The following PCSK1 variants were observed in gnomAD, a reference collection of about 807,000 sequenced individuals.
The protein encoded by PCSK1 is proprotein convertase subtilisin/kexin type 1, also known as neuroendocrine convertase 1.
In PCSK1, 56 loss-of-function variants were observed where a neutral mutation model predicts 90.6. The ratio of observed to expected loss-of-function variants is 0.62; its 90% confidence interval spans 0.50 to 0.77. PCSK1 has a LOEUF of 0.77. Among genes scored for constraint, PCSK1 ranks in the 30% least tolerant of loss-of-function variants. The probability of loss-of-function intolerance (pLI) is 0.00; values close to 1 mark genes in which losing one functional copy is unlikely to be tolerated. For missense variants in PCSK1, 801 were observed against 932.6 expected (o/e 0.86, Z 1.84); for synonymous variants, 348 against 342.4 (o/e 1.02, Z -0.18).
chr5:96,426,132 G>A (rs1407281593), intron 2 of PCSK1, among the ~76,000 whole-genome samples: 5 of 152,142 alleles, frequency 3.3e-5, no homozygotes. Context: ...ACAGTAAAGT[G>A]CACCTTTAGG....
chr5:96,407,926 C>T (rs1760626760), intron 9 of PCSK1, among the ~76,000 whole-genome samples: 1 of 152,088 alleles, frequency 6.6e-6, no homozygotes, highest in African/African-American at 2.4e-5. Context: ...TTTTAAAGGT[C>T]AAAGCATATT....
chr5:96,415,571 G>A (rs1271746305), intron 6 of PCSK1, among the ~76,000 whole-genome samples: 1 of 152,082 alleles, frequency 6.6e-6, no homozygotes, highest in Non-Finnish European at 1.5e-5. Flanking sequence ...CTACATCCTT[G>A]CTATAAAAGA....
chr5:96,429,408 A>C (rs1012949048), intron 1 of PCSK1, 91 bp from the exon 2 acceptor site: 26 of 718,024 alleles, frequency 3.6e-5, no homozygotes, highest in Non-Finnish European at 6.2e-5. Context: ...GAGATAGGCA[A>C]CTTTTATTAA....
intron 5 of PCSK1, among the ~76,000 whole-genome samples, chr5:96,417,098 G>A (rs182203288): frequency 3.9e-5 from 6 of 152,284 alleles, no homozygotes; most frequent in South Asian, 2.1e-4. Context: ...GGTTAGCTCG[G>A]AGCAATAATG....
At chr5:96,423,526 G>C (rs1172482479) in intron 3 of PCSK1, 67 bp from the exon 4 acceptor site, 14 of 1,413,838 alleles carry the variant, frequency 9.9e-6, no homozygotes, top group East Asian at 2.3e-5. Context: ...GGGCACTTCA[G>C]TTCCAACCTG....
At chr5:96,429,390 C>G (rs1761419572) in intron 1 of PCSK1, 73 bp from the exon 2 acceptor site, 1 of 836,424 alleles carries the variant, frequency 1.2e-6, no homozygotes, top group Non-Finnish European at 2.0e-6. Context: ...TAAAACTCAG[C>G]TAACTTAGAG....
intron 12 of PCSK1, among the ~76,000 whole-genome samples, chr5:96,396,556 C>T (rs1348000004): frequency 1.6e-4 from 19 of 118,252 alleles, no homozygotes; most frequent in African/African-American, 2.1e-4. Context: ...AGCAAGACTC[C>T]GTCTCAAAAA....
intron 6 of PCSK1, among the ~76,000 whole-genome samples, chr5:96,412,726 C>CCATG (rs1318522565): frequency 5.5e-5 from 8 of 146,142 alleles, no homozygotes; most frequent in Admixed American, 4.7e-4. Flanking sequence ...CTATGCAATA[C>CCATG]CATGCACTGT....
At position 96,392,801 on chromosome 5, in the gene PCSK1, C is replaced by A; in HGVS notation, c.*200G>T. The A allele has an allele frequency of 1.6e-6, 1 of 635,198 alleles. No homozygotes were observed. The highest frequency in any genetic ancestry group is 3.1e-4 in the Middle Eastern group (1 of 3,186). 39.3% of individuals were successfully genotyped at this position (635,198 alleles called of 1,614,324 possible). Reference sequence around the variant, plus strand: ...GACAGGAAAGATGTGTTTTGAAATACCTATGATCAATTCTGGAAGTTGAAC... The same window carrying A: ...GACAGGAAAGATGTGTTTTGAAATAACTATGATCAATTCTGGAAGTTGAAC... On this transcript the variant is annotated 3_prime_UTR_variant, in exon 14 of 14. Transcript: ENST00000311106.
chr5:96,430,880 A>G (rs1761470630), intron 1 of PCSK1, among the ~76,000 whole-genome samples: 1 of 152,162 alleles, frequency 6.6e-6, no homozygotes, highest in South Asian at 2.1e-4. Context: ...TCCTCCCAAG[A>G]ATGATGATGT....
At position 96,393,471 on chromosome 5, in the gene PCSK1, C is replaced by A. The variant is rs573716174; in HGVS notation, c.1885-93G>T. ...AACCCTACCACAGGAACGCTGCCTG[C>A]CGCTTGAGAGGCAATGAGGGGAGGG... On this transcript the variant is annotated intron_variant, in intron 13 of 13. Coordinates refer to ENST00000311106, the MANE Select transcript of PCSK1 (RefSeq NM_000439.5). 9.3e-5 allele frequency: 134 copies of A among 1,440,910 alleles called. 1 individual carries two copies. In the East Asian group the frequency reaches 1.3e-3, roughly 14 times the overall value. 89.3% of individuals were successfully genotyped at this position (1,440,910 alleles called of 1,614,324 possible).
chr5:96,391,251 A>G lies in PCSK1; in HGVS notation c.*1750T>C, dbSNP rs1372832894. On this transcript the variant is annotated 3_prime_UTR_variant, in exon 14 of 14. Transcript: ENST00000311106. Reference sequence around the variant, plus strand: ...ATTCAAATGGTAGAAGAGCAGGTGAAAATTTGTGTTACCAACCATACTTCA... The same window carrying G: ...ATTCAAATGGTAGAAGAGCAGGTGAGAATTTGTGTTACCAACCATACTTCA... The G allele has an allele frequency of 6.6e-6, 1 of 152,234 alleles. No individual in the cohort carries two copies. Among genetic ancestry groups the G allele is most frequent in the Non-Finnish European group, 1.5e-5 (1 of 68,038 alleles). The allele number at this position is 152,234 out of a possible 1,614,324, so 9.4% of individuals were successfully genotyped here.
Position 96,392,744 on chromosome 5 carries a change from C to G in PCSK1, c.*257G>C. 1 of 522,972 alleles carries G rather than the reference C, an allele frequency of 1.9e-6. No individual in the cohort carries two copies. The highest frequency in any genetic ancestry group is 2.2e-5 in the South Asian group (1 of 45,042). The allele number at this position is 522,972 out of a possible 1,614,324, so 32.4% of individuals were successfully genotyped here. ...TGTAAGAGCTTTTTGTCAACTGTGA[C>G]TCCAGAAAGAACAAAACACTTCACT... On this transcript the variant is annotated 3_prime_UTR_variant, in exon 14 of 14. Coordinates refer to ENST00000311106, the MANE Select transcript of PCSK1 (RefSeq NM_000439.5).
chr5:96,416,350 G>A (rs754496827), intron 5 of PCSK1, among the ~76,000 whole-genome samples: 1 of 152,172 alleles, frequency 6.6e-6, no homozygotes, highest in Non-Finnish European at 1.5e-5. Context: ...TTCACTAAGG[G>A]TGTGACCTTG....
At chr5:96,406,139 GAGA>G (rs1184927066) in intron 9 of PCSK1, among the ~76,000 whole-genome samples, 1 of 152,106 alleles carries the variant, frequency 6.6e-6, no homozygotes, top group Non-Finnish European at 1.5e-5. Context: ...ATCTTAGGAA[GAGA>G]AGAAGTTTGT....
At chr5:96,425,065 A>G (rs978929859) in intron 3 of PCSK1, among the ~76,000 whole-genome samples, 2 of 143,880 alleles carry the variant, frequency 1.4e-5, no homozygotes, top group East Asian at 4.1e-4. Context: ...AGAAAGAAAG[A>G]AAGAAAGAAA....
intron 3 of PCSK1, among the ~76,000 whole-genome samples, chr5:96,425,258 G>T (rs1257681887): frequency 6.6e-6 from 1 of 152,162 alleles, no homozygotes; most frequent in African/African-American, 2.4e-5. Flanking sequence ...CACCCTGCAG[G>T]TAGACAGCAA....
At chr5:96,412,763 T>TTTTTTTTTTTTTTTTTTTTTTTG (rs1760811393) in intron 6 of PCSK1, among the ~76,000 whole-genome samples, 1 of 144,506 alleles carries the variant, frequency 6.9e-6, no homozygotes, top group African/African-American at 2.8e-5. Flanking sequence ...TTTTTTTTTT[T>TTTTTTTTTTTTTTTTTTTTTTTG]TTTTTTTTTT....
rs779964915 is a variant in PCSK1, at chr5:96,393,302, C to T, written c.1961G>A (p.Arg654Gln). 4.8e-5 allele frequency: 78 copies of T among 1,613,964 alleles called. No individual in the cohort carries two copies. The highest frequency in any genetic ancestry group is 5.9e-5 in the Non-Finnish European group (70 of 1,179,994). Residue 654 changes from arginine (R) to glutamine (Q), a missense_variant, in exon 14 of 14, where the codon CGG becomes CAG. By Grantham distance (43) the Arg-to-Gln change is conservative. Coordinates refer to ENST00000311106, the MANE Select transcript of PCSK1 (RefSeq NM_000439.5). ...GGCTCCCTCCTCCAACTCATCCCTC[C>T]GGCCCCCTACGCTGCTGCTGCTGGG... The part of the protein sequence containing the change: ...KSPSSSSVGG[R>Q]RDELEEGAPS...
Sources: allele counts gnomAD v4.1 joint callset (sites outside exome capture counted in the v4.1 genomes callset), GRCh38; gene constraint gnomAD v4.1.1; transcripts MANE v1.5; gene names NCBI Gene and HGNC (gene_info 2026-07-23, HGNC 2026-07-21).